The following ABCC4 variants were observed in gnomAD, a reference collection of about 807,000 sequenced individuals.
ABCC4 encodes the protein ATP binding cassette subfamily C member 4 (PEL blood group), also known as ATP-binding cassette sub-family C member 4.
In ABCC4, 102 loss-of-function variants were observed where a neutral mutation model predicts 168.5. That is an observed-to-expected ratio of 0.61 (90% confidence interval 0.52 to 0.71). The LOEUF is 0.71. Ranked by LOEUF, ABCC4 falls within the 30% of genes least tolerant of loss-of-function variation. The pLI is 0.00. For missense variants in ABCC4, 1,402 were observed against 1,605.8 expected (o/e 0.87, Z 2.17); for synonymous variants, 617 against 590.7 (o/e 1.04, Z -0.65).
intron 11 of ABCC4, among the ~76,000 whole-genome samples, chr13:95,179,073 G>A (rs188457450): frequency 2.6e-5 from 4 of 152,312 alleles, no homozygotes; most frequent in East Asian, 1.9e-4. Flanking sequence ...AATGCTGACC[G>A]GCTATCCTGA....
intron 13 of ABCC4, among the ~76,000 whole-genome samples, chr13:95,170,841 A>T (rs901632229): frequency 2.0e-5 from 3 of 152,102 alleles, no homozygotes; most frequent in Non-Finnish European, 4.4e-5. Flanking sequence ...AAATCCTCAA[A>T]AGTTTTCTGG....
intron 11 of ABCC4, among the ~76,000 whole-genome samples, chr13:95,182,802 G>A (rs2139608381): frequency 6.6e-6 from 1 of 152,220 alleles, no homozygotes; most frequent in Middle Eastern, 3.4e-3. Flanking sequence ...CAAGGCCTCG[G>A]ATTTTAACTA....
chr13:95,178,802 G>A (rs1239036025), intron 11 of ABCC4, among the ~76,000 whole-genome samples: 1 of 152,202 alleles, frequency 6.6e-6, no homozygotes, highest in Non-Finnish European at 1.5e-5. Context: ...GGCAATAATT[G>A]AGACAAGAAA....
chr13:95,168,503 C>A (rs1303797710), intron 14 of ABCC4, among the ~76,000 whole-genome samples: 4 of 152,190 alleles, frequency 2.6e-5, no homozygotes, highest in African/African-American at 7.2e-5. Flanking sequence ...TCATTATATA[C>A]CCCGTTTGTT....
chr13:95,294,455 C>T (rs1280017069), intron 1 of ABCC4, among the ~76,000 whole-genome samples: 1 of 152,200 alleles, frequency 6.6e-6, no homozygotes, highest in Non-Finnish European at 1.5e-5. Context: ...CATACATTTA[C>T]TCCTAGCTGG....
At chr13:95,244,661 G>GAAATAAATAAAT (rs148848336) in intron 3 of ABCC4, among the ~76,000 whole-genome samples, 2 of 18,744 alleles carry the variant, frequency 1.1e-4, no homozygotes, top group African/African-American at 2.5e-4. Context: ...AAGAAAGAAA[G>GAAATAAATAAAT]AAAGAAAGAA....
chr13:95,067,227 A>G (rs1323077721), intron 25 of ABCC4, among the ~76,000 whole-genome samples: 1 of 152,216 alleles, frequency 6.6e-6, no homozygotes, highest in Non-Finnish European at 1.5e-5. Flanking sequence ...AAACTGTGAT[A>G]GAAGACAGAG....
rs1228221043 is a variant in ABCC4, at chr13:95,092,820, ATAGGCCAT to A, written c.2536-9538_2536-9531del. ...TTTTTTGAAAAGGTAAATAAAATTGATAGGCCATTAGCAAGATTAACCAAGAAAAGAAG... is the reference window on the plus strand; with the variant it reads ...TTTTTTGAAAAGGTAAATAAAATTGATAGCAAGATTAACCAAGAAAAGAAG... On this transcript the variant is annotated intron_variant, in intron 20 of 30. Coordinates refer to ENST00000645237, the MANE Select transcript of ABCC4 (RefSeq NM_005845.5). Among the ~76,000 whole-genome samples, 3 of 152,160 alleles carry A rather than the reference ATAGGCCAT, an allele frequency of 2.0e-5. No individual in the cohort carries two copies. The East Asian group carries it at 5.8e-4, about 29-fold the overall frequency.
At chr13:95,255,543 G>T (rs967941610) in intron 1 of ABCC4, among the ~76,000 whole-genome samples, 3 of 152,170 alleles carry the variant, frequency 2.0e-5, no homozygotes, top group Non-Finnish European at 2.9e-5. Flanking sequence ...TCCCAACCCA[G>T]CTTATCTCGG....
intron 21 of ABCC4, among the ~76,000 whole-genome samples, chr13:95,076,460 C>T (rs2033908023): frequency 6.6e-6 from 1 of 151,172 alleles, no homozygotes; most frequent in Non-Finnish European, 1.5e-5. Flanking sequence ...GGTTCCCTGA[C>T]CAGCTGCTCC....
intron 4 of ABCC4, among the ~76,000 whole-genome samples, chr13:95,221,257 CT>C (rs1300070220): frequency 6.6e-6 from 1 of 152,034 alleles, no homozygotes; most frequent in African/African-American, 2.4e-5. Context: ...GAGACAGGGT[CT>C]CACTCCAGTG....
chr13:95,041,757 C>T (rs190890051), intron 29 of ABCC4, among the ~76,000 whole-genome samples: 6 of 152,226 alleles, frequency 3.9e-5, no homozygotes, highest in Non-Finnish European at 7.4e-5. Context: ...GGTGTTCCCC[C>T]GAATTGAAAG....
intron 8 of ABCC4, among the ~76,000 whole-genome samples, chr13:95,205,073 T>C (rs1029397938): frequency 6.6e-6 from 1 of 152,172 alleles, no homozygotes; most frequent in Non-Finnish European, 1.5e-5. Flanking sequence ...ATGAAAAAAG[T>C]GTTACTGACC....
At chr13:95,083,506 C>T (rs889295160) in intron 20 of ABCC4, among the ~76,000 whole-genome samples, 1 of 151,384 alleles carries the variant, frequency 6.6e-6, no homozygotes, top group Non-Finnish European at 1.5e-5. Context: ...ATAAACTTAT[C>T]CATTAGGTTT....
At chr13:95,296,135 AACACACACACAC>A (rs753316849) in intron 1 of ABCC4, among the ~76,000 whole-genome samples, 38 of 98,958 alleles carry the variant, frequency 3.8e-4, no homozygotes, top group African/African-American at 1.5e-3. Context: ...CCTGTCTCAA[AACACACACACAC>A]ACACACACAC....
chr13:95,184,857 T>C (rs2038008777), intron 11 of ABCC4, among the ~76,000 whole-genome samples: 1 of 152,118 alleles, frequency 6.6e-6, no homozygotes. Context: ...TAACTACCAG[T>C]GGGGGAAAAC....
chr13:95,070,192 C>T (rs776008940), intron 25 of ABCC4, among the ~76,000 whole-genome samples: 4 of 151,938 alleles, frequency 2.6e-5, no homozygotes, highest in East Asian at 3.9e-4. Context: ...TGCAGTGTGC[C>T]GGGAATGTGA....
chr13:95,064,264 A>G (rs1039108506), intron 25 of ABCC4, among the ~76,000 whole-genome samples: 17 of 1,918 alleles, frequency 8.9e-3, no homozygotes, highest in African/African-American at 0.026. Context: ...GTGTGTGTAT[A>G]TATATATATA....
At chr13:95,029,199 TATATATATATATATAGAGAGAGAGAG>T (rs2031711537) in intron 30 of ABCC4, among the ~76,000 whole-genome samples, 5 of 72,414 alleles carry the variant, frequency 6.9e-5, no homozygotes, top group African/African-American at 2.9e-4. Flanking sequence ...TATATATATA[TATATATATATATATAGAGAGAGAGAG>T]AGAGAGAGAG....
Sources: gnomAD v4.1 joint callset for allele counts (sites outside exome capture counted in the v4.1 genomes callset) on GRCh38, gnomAD v4.1.1 for gene constraint, MANE v1.5 for transcripts, NCBI Gene and HGNC (gene_info 2026-07-23, HGNC 2026-07-21) for gene names.